ATG10: variants seen among roughly 807,000 people sequenced by gnomAD.
ATG10 encodes the protein ubiquitin-like-conjugating enzyme ATG10.
Under a neutral mutation model 32.1 loss-of-function variants are expected in ATG10, and 30 were observed. The observed-to-expected ratio is 0.94, with a 90% CI of 0.70 to 1.27. ATG10 has a LOEUF of 1.27. ATG10 is among the 50% of genes most tolerant of loss of function. The pLI, the probability that ATG10 is intolerant of heterozygous loss-of-function variation, is 0.00. For missense variants in ATG10, 233 were observed against 262.3 expected, an observed-to-expected ratio of 0.89 and a Z score of 0.77; for synonymous variants, 87 against 91.5, an observed-to-expected ratio of 0.95 and a Z score of 0.28.
At chr5:82,035,209 G>A (rs1054577415) in intron 2 of ATG10, among the ~76,000 whole-genome samples, 2 of 152,120 alleles carry the variant, frequency 1.3e-5, no homozygotes, top group African/African-American at 2.4e-5. Flanking sequence ...GCTGCACCTG[G>A]CCAATTTATT....
intron 1 of ATG10, among the ~76,000 whole-genome samples, chr5:81,985,512 A>C (rs1761235256): frequency 6.6e-6 from 1 of 152,034 alleles, no homozygotes; most frequent in Non-Finnish European, 1.5e-5. Context: ...CGGGCATTTG[A>C]AATTCAAACT....
intron 2 of ATG10, among the ~76,000 whole-genome samples, chr5:81,993,460 G>T (rs576463283): frequency 1.7e-4 from 24 of 139,840 alleles, no homozygotes; most frequent in Admixed American, 7.5e-5. Context: ...GCAGAGTCTC[G>T]CCCTGTTGCC....
At chr5:82,200,943 G>A (rs979971410) in intron 5 of ATG10, among the ~76,000 whole-genome samples, 1 of 151,430 alleles carries the variant, frequency 6.6e-6, no homozygotes, top group African/African-American at 2.4e-5. Context: ...AGGCTGGAGT[G>A]CAGTGGCGTG....
intron 2 of ATG10, among the ~76,000 whole-genome samples, chr5:82,013,668 T>C (rs1240478094): frequency 1.3e-5 from 2 of 150,968 alleles, no homozygotes; most frequent in Admixed American, 6.6e-5. Flanking sequence ...CCAACATCTA[T>C]TTTTTTTTGA....
chr5:82,217,515 G>A (rs945580467), intron 5 of ATG10, among the ~76,000 whole-genome samples: 1 of 151,878 alleles, frequency 6.6e-6, no homozygotes, highest in Non-Finnish European at 1.5e-5. Flanking sequence ...ATATGTGTAT[G>A]TGTCAGAAGC....
chr5:82,007,861 T>C (rs1188765859), intron 2 of ATG10, among the ~76,000 whole-genome samples: 2 of 152,238 alleles, frequency 1.3e-5, no homozygotes, highest in Non-Finnish European at 2.9e-5. Flanking sequence ...AATAATTATT[T>C]ATTTTTACTT....
chr5:82,146,378 T>C (rs1767359643), intron 3 of ATG10, among the ~76,000 whole-genome samples: 1 of 152,118 alleles, frequency 6.6e-6, no homozygotes, highest in African/African-American at 2.4e-5. Flanking sequence ...TTTCATTAGT[T>C]TGATTATGAT....
intron 5 of ATG10, among the ~76,000 whole-genome samples, chr5:82,188,607 A>G (rs926168544): frequency 1.1e-4 from 16 of 152,124 alleles, no homozygotes; most frequent in Non-Finnish European, 2.2e-4. Flanking sequence ...AGTTTTTGAG[A>G]AAGAGGTTAA....
intron 3 of ATG10, among the ~76,000 whole-genome samples, chr5:82,142,198 C>A (rs1670016814): frequency 6.6e-6 from 1 of 152,124 alleles, no homozygotes; most frequent in South Asian, 2.1e-4. Context: ...CTACAGACAG[C>A]TTGTTTCCTC....
chr5:82,017,368 C>T (rs189457840), intron 2 of ATG10, among the ~76,000 whole-genome samples: 3 of 152,188 alleles, frequency 2.0e-5, no homozygotes, highest in Admixed American at 2.0e-4. Context: ...AGTTTGATGT[C>T]CTCTTTACTG....
At chr5:82,209,032 A>G (rs905147658) in intron 5 of ATG10, among the ~76,000 whole-genome samples, 4 of 151,676 alleles carry the variant, frequency 2.6e-5, no homozygotes, top group African/African-American at 9.7e-5. Flanking sequence ...CTGGGAAGGG[A>G]TCTTTTTTTT....
intron 2 of ATG10, among the ~76,000 whole-genome samples, chr5:82,023,492 G>A (rs1270579701): frequency 1.3e-5 from 2 of 152,110 alleles, no homozygotes; most frequent in Non-Finnish European, 2.9e-5. Flanking sequence ...TTAAAGTTTA[G>A]AATACATTAA....
chr5:82,090,245 A>G (rs1222876311), intron 3 of ATG10, among the ~76,000 whole-genome samples: 1 of 152,178 alleles, frequency 6.6e-6, no homozygotes. Context: ...ATGACCCAGC[A>G]ATTATGCTTC....
intron 5 of ATG10, among the ~76,000 whole-genome samples, chr5:82,203,624 A>G (rs1745163685): frequency 6.6e-6 from 1 of 151,826 alleles, no homozygotes; most frequent in African/African-American, 2.4e-5. Flanking sequence ...TAAAAATTCC[A>G]CTCTAGTTTT....
intron 3 of ATG10, 76 bp from the exon 4 acceptor site, chr5:82,164,319 AAAAT>A: frequency 4.4e-6 from 6 of 1,353,180 alleles, no homozygotes; most frequent in South Asian, 1.2e-5. Flanking sequence ...TTGTGAGAAG[AAAAT>A]CTCCTCTTTT....
intron 3 of ATG10, among the ~76,000 whole-genome samples, chr5:82,152,290 A>G (rs1479142990): frequency 1.3e-5 from 2 of 152,206 alleles, no homozygotes; most frequent in South Asian, 2.1e-4. Flanking sequence ...CTGCCGCCCC[A>G]GGACTACTGA....
intron 5 of ATG10, among the ~76,000 whole-genome samples, chr5:82,205,558 T>G (rs2149970102): frequency 6.6e-6 from 1 of 152,156 alleles, no homozygotes; most frequent in Admixed American, 6.5e-5. Context: ...AAAATATGAG[T>G]ATGGATTCAG....
rs1765502812 is a variant in ATG10, at chr5:82,108,339, C to A, written c.216+49737C>A. Among the ~76,000 whole-genome samples the A allele has an allele frequency of 2.6e-5, 4 of 151,738 alleles. No individual in the cohort carries two copies. The South Asian group carries it at 8.3e-4, about 32-fold the overall frequency. ...GTATACATATATATACACATGCATA[C>A]ATATTTGTGTATCTACAGAGAACCC... On this transcript the variant is annotated intron_variant, in intron 3 of 7. Transcript: ENST00000282185.
chr5:82,010,216 T>C (rs185444596), intron 2 of ATG10: 2 of 801,636 alleles, frequency 2.5e-6, no homozygotes, highest in Non-Finnish European at 4.0e-6. Flanking sequence ...TGAATATCTG[T>C]AAAAATGGAG....
Sources: allele counts gnomAD v4.1 joint callset (sites outside exome capture counted in the v4.1 genomes callset), GRCh38; gene constraint gnomAD v4.1.1; transcripts MANE v1.5; gene names NCBI Gene and HGNC (gene_info 2026-07-23, HGNC 2026-07-21).